TENM3: variants seen among roughly 807,000 people sequenced by gnomAD.
The protein encoded by TENM3 is teneurin-3.
TENM3 carries 63 observed loss-of-function variants against 255.1 expected under a neutral mutation model. The ratio of observed to expected loss-of-function variants is 0.25; its 90% CI spans 0.20 to 0.30. The LOEUF (loss-of-function observed/expected upper bound fraction) is 0.30. TENM3 is among the 10% of genes least tolerant of loss of function. TENM3 has a pLI of 1.00. For synonymous variants in TENM3, 1,306 were observed against 1,322.3 expected, an observed-to-expected ratio of 0.99 and a Z score of 0.27; for missense variants, 2,929 against 3,461.1, an observed-to-expected ratio of 0.85 and a Z score of 3.86.
chr4:182,321,739 A>C (rs1763066879), intron 1 of TENM3, among the ~76,000 whole-genome samples: 1 of 151,876 alleles, frequency 6.6e-6, no homozygotes, highest in Non-Finnish European at 1.5e-5. Flanking sequence ...AGGTCAGGAG[A>C]TGGAGGCCAT....
At chr4:182,710,181 G>C (rs1237466899) in intron 12 of TENM3, among the ~76,000 whole-genome samples, 1 of 152,118 alleles carries the variant, frequency 6.6e-6, no homozygotes, top group Non-Finnish European at 1.5e-5. Context: ...ATTAATTTTT[G>C]TAAACTAAGA....
At chr4:182,049,787 A>G in the TENM3 span, among the ~76,000 whole-genome samples, 15 of 152,240 alleles carry the variant, frequency 9.9e-5, no homozygotes, top group African/African-American at 3.1e-4. Context: ...TATCTTTACC[A>G]TGGGTGAGAT....
chr4:182,708,626 C>T (rs1056493326), intron 12 of TENM3, among the ~76,000 whole-genome samples: 6 of 152,054 alleles, frequency 3.9e-5, no homozygotes, highest in Admixed American at 1.3e-4. Flanking sequence ...GGTGAAACCC[C>T]ACCTCTACTA....
At chr4:181,462,121 A>G in the TENM3 span, among the ~76,000 whole-genome samples, 1 of 152,210 alleles carries the variant, frequency 6.6e-6, no homozygotes, top group Non-Finnish European at 1.5e-5. Context: ...CTCAATATTA[A>G]AGTGATATCC....
At chr4:181,800,877 G>A in the TENM3 span, among the ~76,000 whole-genome samples, 17 of 152,088 alleles carry the variant, frequency 1.1e-4, no homozygotes, top group African/African-American at 1.9e-4. Context: ...ATAAAATGCC[G>A]GTGTATTTCT....
the TENM3 span, among the ~76,000 whole-genome samples, chr4:181,761,277 G>A: frequency 2.0e-5 from 3 of 152,008 alleles, no homozygotes; most frequent in Admixed American, 1.3e-4. Flanking sequence ...GCTTATACAC[G>A]AGAGATGAAT....
the TENM3 span, among the ~76,000 whole-genome samples, chr4:181,969,269 C>A: frequency 6.6e-6 from 1 of 152,126 alleles, no homozygotes; most frequent in Non-Finnish European, 1.5e-5. Context: ...TTACTAAAGT[C>A]ATTCATGTTT....
intron 3 of TENM3, among the ~76,000 whole-genome samples, chr4:182,418,149 A>G (rs1303715937): frequency 6.6e-6 from 1 of 152,222 alleles, no homozygotes; most frequent in Admixed American, 6.5e-5. Flanking sequence ...ACTGGTGAAA[A>G]AAAAGCAGGC....
chr4:181,506,336 C>T, the TENM3 span, among the ~76,000 whole-genome samples: 2 of 151,834 alleles, frequency 1.3e-5, no homozygotes, highest in Non-Finnish European at 2.9e-5. Flanking sequence ...GGCCTTTTTA[C>T]TCAGTGACAT....
chr4:181,615,183 T>G, the TENM3 span, among the ~76,000 whole-genome samples: 1 of 152,176 alleles, frequency 6.6e-6, no homozygotes, highest in East Asian at 1.9e-4. Flanking sequence ...TTACTAGGAC[T>G]GGGTGGGAGA....
At chr4:181,556,520 G>A in the TENM3 span, among the ~76,000 whole-genome samples, 1,725 of 151,722 alleles carry the variant, frequency 0.011, 38 homozygotes, top group African/African-American at 0.039. Flanking sequence ...TTTTTTATTC[G>A]TTAAAGACTT....
intron 1 of TENM3, chr4:182,144,779 C>A (rs1749802552): frequency 6.7e-6 from 1 of 149,716 alleles, no homozygotes; most frequent in Non-Finnish European, 1.5e-5. Context: ...GCCGCCGGCG[C>A]GCCCTCCTTC....
the TENM3 span, among the ~76,000 whole-genome samples, chr4:181,544,388 C>T: frequency 7.6e-5 from 9 of 118,438 alleles, no homozygotes; most frequent in Admixed American, 2.3e-4. Context: ...TACTTCAAAG[C>T]GATTTCTTTC....
chr4:182,192,456 T>A (rs1347383059), intron 1 of TENM3, among the ~76,000 whole-genome samples: 3 of 152,206 alleles, frequency 2.0e-5, no homozygotes, highest in African/African-American at 7.2e-5. Context: ...TCGCTGGAAG[T>A]CAGGTTTGAC....
At chr4:181,697,392 TTTTTG>T in the TENM3 span, among the ~76,000 whole-genome samples, 2 of 152,080 alleles carry the variant, frequency 1.3e-5, no homozygotes, top group African/African-American at 2.4e-5. Flanking sequence ...TGTGTGTTTG[TTTTTG>T]TTTTGTTTTG....
intron 5 of TENM3, among the ~76,000 whole-genome samples, chr4:182,639,637 A>G (rs557892381): frequency 6.6e-6 from 1 of 152,336 alleles, no homozygotes; most frequent in South Asian, 2.1e-4. Flanking sequence ...AAGAATTTAT[A>G]GATAGAACAT....
chr4:181,770,210 G>T, the TENM3 span, among the ~76,000 whole-genome samples: 1 of 152,128 alleles, frequency 6.6e-6, no homozygotes, highest in African/African-American at 2.4e-5. Flanking sequence ...GAGATGGGAA[G>T]GTTGAGGGGT....
the TENM3 span, among the ~76,000 whole-genome samples, chr4:182,004,075 A>AT: frequency 3.9e-5 from 6 of 152,022 alleles, no homozygotes; most frequent in African/African-American, 1.4e-4. Context: ...TGTTAAAAGT[A>AT]TTTTTTTCTT....
At chr4:182,122,868 A>G in the TENM3 span, among the ~76,000 whole-genome samples, 1 of 152,204 alleles carries the variant, frequency 6.6e-6, no homozygotes, top group African/African-American at 2.4e-5. Context: ...GTTTTCATCT[A>G]CATTGAAAAT....
Sources: gnomAD v4.1 joint callset for allele counts (sites outside exome capture counted in the v4.1 genomes callset) on GRCh38, gnomAD v4.1.1 for gene constraint, MANE v1.5 for transcripts, NCBI Gene and HGNC (gene_info 2026-07-23, HGNC 2026-07-21) for gene names.